The following AGAP5 variants were observed in gnomAD, a reference collection of about 807,000 sequenced individuals.
The protein encoded by AGAP5 is arf-GAP with GTPase, ANK repeat and PH domain-containing protein 5.
AGAP5 carries 8 observed loss-of-function variants against 27.7 expected under a neutral mutation model. That is an observed-to-expected ratio of 0.29 (90% CI 0.17 to 0.52). The LOEUF (loss-of-function observed/expected upper bound fraction) is 0.52, where lower values mean the gene tolerates loss of function less well. Among genes scored for constraint, AGAP5 ranks in the 20% least tolerant of loss-of-function variants. AGAP5 has a pLI of 0.97. For missense variants in AGAP5, 285 were observed against 880.8 expected (o/e 0.32, Z 8.56); for synonymous variants, 111 against 338.0 (o/e 0.33, Z 7.37).
chr10:73,686,830 C>A (rs1462214461), intron 4 of AGAP5, among the ~76,000 whole-genome samples: 4 of 152,208 alleles, frequency 2.6e-5, no homozygotes, highest in Non-Finnish European at 4.4e-5. Flanking sequence ...GCATTCCCAG[C>A]AACCTCGATG....
At chr10:73,687,368 C>T (rs1438744977) in intron 4 of AGAP5, among the ~76,000 whole-genome samples, 2 of 152,194 alleles carry the variant, frequency 1.3e-5, no homozygotes, top group African/African-American at 4.8e-5. Flanking sequence ...GATCCTCTGC[C>T]TCAGCCTCCT....
chr10:73,676,106 A>T (rs1365519277), intron 7 of AGAP5, 32 bp from the exon 8 acceptor site: 1 of 1,608,072 alleles, frequency 6.2e-7, no homozygotes, highest in Non-Finnish European at 8.5e-7. Flanking sequence ...ATGGCTTCAA[A>T]AATTGGGTAG....
intron 5 of AGAP5, 142 bp from the exon 6 acceptor site, chr10:73,680,248 C>A: frequency 6.1e-6 from 2 of 330,374 alleles, no homozygotes; most frequent in Non-Finnish European, 1.1e-5. Flanking sequence ...CATAAGGGCA[C>A]TTTGTTTTCA....
intron 4 of AGAP5, among the ~76,000 whole-genome samples, chr10:73,688,606 A>C (rs2082083963): frequency 6.6e-6 from 1 of 152,106 alleles, no homozygotes; most frequent in Admixed American, 6.5e-5. Context: ...CTAGAATAAA[A>C]AGACAAACTG....
Position 73,697,931 on chromosome 10 carries a change from C to G in AGAP5, c.-176G>C, listed in dbSNP as rs2082177277. ...TCCCTGGCCCCGGCCCCGGCCCCGG[C>G]TAGGGCTGCGGGTCAAGGCCCACAC... On this transcript the variant is annotated 5_prime_UTR_variant, in exon 1 of 8. Transcript: ENST00000374094. The G allele has an allele frequency of 2.0e-6, 3 of 1,525,872 alleles. No individual in the cohort carries two copies. The South Asian group carries it at 3.6e-5, about 18-fold the overall frequency. 94.5% of individuals were successfully genotyped at this position (1,525,872 alleles called of 1,614,324 possible). A position where few individuals can be genotyped will look rare whatever the true frequency, so the allele number is the denominator to read the frequency against.
chr10:73,689,248 C>A (rs1304387167), intron 4 of AGAP5, among the ~76,000 whole-genome samples: 3 of 152,246 alleles, frequency 2.0e-5, no homozygotes, highest in Non-Finnish European at 2.9e-5. Flanking sequence ...CTCGGCCTCC[C>A]GAGGTGCCGG....
chr10:73,698,072 G>C lies in AGAP5; in HGVS notation c.-317C>G, dbSNP rs2082179742. On this transcript the variant is annotated 5_prime_UTR_variant, in exon 1 of 8. Coordinates refer to ENST00000374094, the MANE Select transcript of AGAP5 (RefSeq NM_001144000.4). ...ACAACAACTGCCTGAAGAGAGAACA[G>C]ACGGAGCTCCTCCTCCTTCTGTAGT... is the stretch of plus-strand genomic sequence containing the variant. The C allele has an allele frequency of 1.5e-6, 2 of 1,333,622 alleles. No individual in the cohort carries two copies. The highest frequency in any genetic ancestry group is 9.7e-7 in the Non-Finnish European group (1 of 1,034,678). The allele number at this position is 1,333,622 out of a possible 1,614,324, so 82.6% of individuals were successfully genotyped here.
chr10:73,677,204 C>A (rs1469482792), intron 6 of AGAP5, among the ~76,000 whole-genome samples: 1 of 151,658 alleles, frequency 6.6e-6, no homozygotes, highest in East Asian at 1.9e-4. Context: ...TTTCTGTTGT[C>A]TGAATGACAA....
At chr10:73,685,540 C>A (rs916730487) in intron 4 of AGAP5, among the ~76,000 whole-genome samples, 1 of 150,904 alleles carries the variant, frequency 6.6e-6, no homozygotes, top group African/African-American at 2.4e-5. Context: ...CCCATTTGAT[C>A]ATGGTGGATT....
chr10:73,696,004 C>T (rs2082158296), intron 2 of AGAP5, among the ~76,000 whole-genome samples: 1 of 152,066 alleles, frequency 6.6e-6, no homozygotes, highest in Non-Finnish European at 1.5e-5. Flanking sequence ...TAAAAAACTC[C>T]AACTTTCTTT....
At chr10:73,688,098 T>C (rs2082080463) in intron 4 of AGAP5, among the ~76,000 whole-genome samples, 1 of 152,170 alleles carries the variant, frequency 6.6e-6, no homozygotes, top group Non-Finnish European at 1.5e-5. Flanking sequence ...GAAACTTAGA[T>C]GTGTGTTCTC....
At chr10:73,677,360 A>C (rs1272247077) in intron 6 of AGAP5, among the ~76,000 whole-genome samples, 1 of 144,156 alleles carries the variant, frequency 6.9e-6, no homozygotes, top group East Asian at 2.0e-4. Flanking sequence ...AGAAGGCCTA[A>C]GAGGTCATAA....
chr10:73,693,932 A>G (rs796174486), intron 3 of AGAP5, among the ~76,000 whole-genome samples: 1 of 152,136 alleles, frequency 6.6e-6, no homozygotes, highest in Non-Finnish European at 1.5e-5. Flanking sequence ...ATAGTAATGT[A>G]AAAAATGAAG....
At chr10:73,686,684 A>G (rs1428449430) in intron 4 of AGAP5, among the ~76,000 whole-genome samples, 1 of 152,220 alleles carries the variant, frequency 6.6e-6, no homozygotes, top group African/African-American at 2.4e-5. Context: ...TGAGGAACTC[A>G]AACAAATTAC....
At position 73,697,886 on chromosome 10, in the gene AGAP5, C is replaced by T; in HGVS notation, c.-131G>A. 6.5e-7 allele frequency: 1 copy of T among 1,538,622 alleles called. No individual in the cohort carries two copies. Among genetic ancestry groups the T allele is most frequent in the Non-Finnish European group, 8.7e-7 (1 of 1,148,392 alleles). ...TCCCGCTCCTCGCCTGCCCACCTCA[C>T]AGCGCGGCCCCGGGCACCATCCCTG... On this transcript the variant is annotated 5_prime_UTR_variant, in exon 1 of 8. In the 5' UTR this introduces an upstream ATG that the reference lacks. Coordinates refer to ENST00000374094, the MANE Select transcript of AGAP5 (RefSeq NM_001144000.4).
At chr10:73,688,045 C>T (rs555623833) in intron 4 of AGAP5, among the ~76,000 whole-genome samples, 5 of 151,868 alleles carry the variant, frequency 3.3e-5, no homozygotes, top group Admixed American at 1.3e-4. Flanking sequence ...AGTTGCAAAT[C>T]TCTAACTAGA....
At chr10:73,691,428 G>A (rs1352135098) in intron 4 of AGAP5, among the ~76,000 whole-genome samples, 1 of 151,970 alleles carries the variant, frequency 6.6e-6, no homozygotes, top group Admixed American at 6.6e-5. Context: ...AGACAGTGCT[G>A]GCAATTAACT....
At chr10:73,687,465 A>G (rs1366062796) in intron 4 of AGAP5, among the ~76,000 whole-genome samples, 2 of 152,192 alleles carry the variant, frequency 1.3e-5, no homozygotes, top group Non-Finnish European at 2.9e-5. Flanking sequence ...TGCTATGTTG[A>G]CCAGGCTAAA....
At chr10:73,690,382 T>C (rs2082107028) in intron 4 of AGAP5, among the ~76,000 whole-genome samples, 2 of 152,188 alleles carry the variant, frequency 1.3e-5, no homozygotes, top group South Asian at 4.1e-4. Flanking sequence ...TGCCAAGATG[T>C]GCTTTGTTAA....
Sources: gnomAD v4.1 joint callset for allele counts (sites outside exome capture counted in the v4.1 genomes callset) on GRCh38, gnomAD v4.1.1 for gene constraint, MANE v1.5 for transcripts, NCBI Gene and HGNC (gene_info 2026-07-23, HGNC 2026-07-21) for gene names.